Variants in HIVEP3 observed in about 807,000 individuals in gnomAD.
The protein encoded by HIVEP3 is transcription factor HIVEP3.
A neutral mutation model predicts 152.8 loss-of-function variants in HIVEP3; 49 were observed. The ratio of observed to expected loss-of-function variants is 0.32; its 90% CI spans 0.26 to 0.41. HIVEP3 has a LOEUF of 0.41. Among genes scored for constraint, HIVEP3 ranks in the 10% least tolerant of loss-of-function variants. The pLI, the probability that HIVEP3 is intolerant of heterozygous loss-of-function variation, is 1.00. For synonymous variants in HIVEP3, 1,269 were observed against 1,289.0 expected (o/e 0.98, Z 0.33); for missense variants, 2,790 against 3,103.3 (o/e 0.90, Z 2.40).
At chr1:41,903,296 C>T (rs1644655616) in intron 1 of HIVEP3, among the ~76,000 whole-genome samples, 1 of 152,178 alleles carries the variant, frequency 6.6e-6, no homozygotes, top group African/African-American at 2.4e-5. Context: ...AAGAGTTGAG[C>T]CAGGCTCAGC....
chr1:41,766,113 G>A (rs1647993110), intron 1 of HIVEP3, among the ~76,000 whole-genome samples: 2 of 152,208 alleles, frequency 1.3e-5, no homozygotes, highest in Admixed American at 6.5e-5. Context: ...CCTGAGCCAT[G>A]GTATGTACTC....
At position 41,654,711 on chromosome 1, in the gene HIVEP3, C is replaced by G. The variant is rs182529273; in HGVS notation, c.-720-25764G>C. ...TACAACATGGTATTAAGTTGTCATG[C>G]CTCCTTCATCTGTGGATTTATTATT... is the stretch of plus-strand genomic sequence containing the variant. On this transcript the variant is annotated intron_variant, in intron 2 of 8. Coordinates refer to ENST00000372583, the MANE Select transcript of HIVEP3 (RefSeq NM_024503.5). Among the ~76,000 whole-genome samples the G allele has an allele frequency of 1.4e-3, 218 of 152,272 alleles. 1 individual carries two copies. Among genetic ancestry groups the G allele is most frequent in the African/African-American group, 5.1e-3 (210 of 41,544 alleles).
intron 1 of HIVEP3, among the ~76,000 whole-genome samples, chr1:41,913,332 A>T (rs1355741774): frequency 6.6e-6 from 1 of 152,194 alleles, no homozygotes; most frequent in African/African-American, 2.4e-5. Context: ...TAGAATTTTG[A>T]TGGAGGAGGA....
intron 2 of HIVEP3, among the ~76,000 whole-genome samples, chr1:41,642,698 T>G (rs1464476852): frequency 6.6e-6 from 1 of 152,244 alleles, no homozygotes; most frequent in East Asian, 1.9e-4. Context: ...AATTGGTGAC[T>G]GTGAGTGAAT....
chr1:41,635,761 A>G (rs1392671446), intron 2 of HIVEP3, among the ~76,000 whole-genome samples: 1 of 152,166 alleles, frequency 6.6e-6, no homozygotes, highest in Non-Finnish European at 1.5e-5. Context: ...AGTCGCAAAT[A>G]ATCATTAAGA....
intron 6 of HIVEP3, among the ~76,000 whole-genome samples, chr1:41,522,619 C>T (rs1250898797): frequency 1.3e-5 from 2 of 152,360 alleles, no homozygotes; most frequent in East Asian, 3.9e-4. Flanking sequence ...CTCCAAAGCC[C>T]TCCAGGGCCC....
chr1:41,896,255 T>C (rs1644525557), intron 1 of HIVEP3, among the ~76,000 whole-genome samples: 1 of 152,218 alleles, frequency 6.6e-6, no homozygotes, highest in Admixed American at 6.5e-5. Flanking sequence ...ATAGTAGCTT[T>C]TGTTTTTTAA....
At position 41,918,719 on chromosome 1, in the gene HIVEP3, C is replaced by T. The variant is rs370275380; in HGVS notation, c.-1107G>A. 6.6e-6 allele frequency: 1 copy of T among 152,118 alleles called. No individual in the cohort carries two copies. The highest frequency in any genetic ancestry group is 1.5e-5 in the Non-Finnish European group (1 of 68,024). The allele number at this position is 152,118 out of a possible 1,614,324, so 9.4% of individuals were successfully genotyped here. On this transcript the variant is annotated 5_prime_UTR_variant, in exon 1 of 9. Transcript: ENST00000372583. The surrounding 1 kb of genome is among the most constrained non-coding windows in gnomAD (Gnocchi z 4.3). ...CGGCTGGTTGTGAGCATGCTCGCGC[C>T]GGGAACAGATCCACCCTCTGTTATT...
chr1:41,858,498 C>G (rs1643832154), intron 1 of HIVEP3, among the ~76,000 whole-genome samples: 1 of 152,168 alleles, frequency 6.6e-6, no homozygotes, highest in African/African-American at 2.4e-5. Context: ...TCCATGGTCT[C>G]CAACACCGAC....
chr1:41,723,111 C>A (rs1015200298), intron 1 of HIVEP3, among the ~76,000 whole-genome samples: 6 of 151,456 alleles, frequency 4.0e-5, no homozygotes, highest in Non-Finnish European at 7.4e-5. Flanking sequence ...TAGAAAGATC[C>A]CCCTGGTGCA....
At chr1:41,708,628 C>T (rs922876446) in intron 1 of HIVEP3, among the ~76,000 whole-genome samples, 2 of 152,168 alleles carry the variant, frequency 1.3e-5, no homozygotes, top group African/African-American at 4.8e-5. Flanking sequence ...CTGTCAATTC[C>T]GTAAGATTCT....
At chr1:41,718,894 A>T (rs1286340384) in intron 1 of HIVEP3, among the ~76,000 whole-genome samples, 3 of 152,236 alleles carry the variant, frequency 2.0e-5, no homozygotes, top group Non-Finnish European at 4.4e-5. Context: ...ATTAGAACGA[A>T]GGCGCTAGTG....
At chr1:41,753,398 C>T (rs1359599050) in intron 1 of HIVEP3, among the ~76,000 whole-genome samples, 3 of 152,174 alleles carry the variant, frequency 2.0e-5, no homozygotes, top group Admixed American at 6.5e-5. Flanking sequence ...CGGTGGCTCA[C>T]GCCTGTAATC....
At chr1:41,532,481 G>T (rs1277689889) in intron 5 of HIVEP3, among the ~76,000 whole-genome samples, 1 of 152,134 alleles carries the variant, frequency 6.6e-6, no homozygotes, top group African/African-American at 2.4e-5. Context: ...GTTTGGGATT[G>T]ATAAAAGCCT....
chr1:41,946,132 C>T (rs1645073567), intron 1 of HIVEP3, among the ~76,000 whole-genome samples: 1 of 152,222 alleles, frequency 6.6e-6, no homozygotes, highest in Non-Finnish European at 1.5e-5. Flanking sequence ...ATAGGGCTTG[C>T]TTCCAGTGCA....
At chr1:41,932,193 A>C (rs1033937732) in intron 1 of HIVEP3, among the ~76,000 whole-genome samples, 1 of 151,896 alleles carries the variant, frequency 6.6e-6, no homozygotes, top group Admixed American at 6.6e-5. Context: ...AAATCTATTG[A>C]AATAATCATC....
chr1:41,524,668 G>T, intron 6 of HIVEP3, 67 bp downstream of exon 6: 1 of 1,456,048 alleles, frequency 6.9e-7, no homozygotes. Flanking sequence ...TGAACTCTGT[G>T]CTGGGACTCC....
intron 1 of HIVEP3, among the ~76,000 whole-genome samples, chr1:41,738,628 A>T (rs1012293312): frequency 2.0e-5 from 3 of 152,140 alleles, no homozygotes; most frequent in African/African-American, 7.2e-5. Flanking sequence ...CAGGACCTGG[A>T]CTCAGGCTTG....
chr1:41,722,186 A>G (rs1558211104), intron 1 of HIVEP3, among the ~76,000 whole-genome samples: 2 of 151,998 alleles, frequency 1.3e-5, no homozygotes, highest in Non-Finnish European at 2.9e-5. Context: ...CGCAGTGTGG[A>G]CCACAATCAG....
Sources: gnomAD v4.1 joint callset for allele counts (sites outside exome capture counted in the v4.1 genomes callset) on GRCh38, gnomAD v4.1.1 for gene constraint, Gnocchi (gnomAD v3.1) non-coding constraint, MANE v1.5 for transcripts, NCBI Gene and HGNC (gene_info 2026-07-23, HGNC 2026-07-21) for gene names.